The following DIAPH2 variants were observed in gnomAD, a reference collection of about 807,000 sequenced individuals.
DIAPH2 encodes diaphanous related formin 2, also known as protein diaphanous homolog 2.
A neutral mutation model predicts 92.7 loss-of-function variants in DIAPH2; 35 were observed. That is an observed-to-expected ratio of 0.38 (90% CI 0.29 to 0.50). DIAPH2 has a LOEUF of 0.50. Ranked by LOEUF, DIAPH2 falls within the 20% of genes least tolerant of loss-of-function variation. The pLI, the probability that DIAPH2 is intolerant of heterozygous loss-of-function variation, is 0.94. For synonymous variants in DIAPH2, 301 were observed against 280.4 expected, an observed-to-expected ratio of 1.07 and a Z score of -0.73; for missense variants, 701 against 819.5, an observed-to-expected ratio of 0.86 and a Z score of 1.77.
chrX:97,320,205 A>ATAC (rs1010177026), intron 23 of DIAPH2, among the ~76,000 whole-genome samples: 8 of 109,651 alleles, frequency 7.3e-5, no homozygotes, highest in Non-Finnish European at 1.3e-4. Context: ...GCTGCTAGAC[A>ATAC]TACTACTTTG....
At chrX:97,283,471 A>G (rs2068515095) in intron 23 of DIAPH2, among the ~76,000 whole-genome samples, 1 of 111,677 alleles carries the variant, frequency 9.0e-6, no homozygotes, top group African/African-American at 3.3e-5. Context: ...GAGAGAGAGG[A>G]TGCTTAGTGT....
chrX:97,381,245 A>G (rs1354492460), intron 24 of DIAPH2, among the ~76,000 whole-genome samples: 1 of 111,668 alleles, frequency 9.0e-6, no homozygotes, highest in Non-Finnish European at 1.9e-5. Context: ...ATGCCTATCA[A>G]TAATCTGTAT....
intron 26 of DIAPH2, among the ~76,000 whole-genome samples, chrX:97,480,269 C>T (rs1212475484): frequency 6.3e-5 from 7 of 111,635 alleles, no homozygotes; most frequent in Non-Finnish European, 1.3e-4. Flanking sequence ...TGGAGTGATG[C>T]GACTGCCAAG....
chrX:97,438,382 T>TTTTC (rs1569397556), intron 26 of DIAPH2, among the ~76,000 whole-genome samples: 9 of 92,480 alleles, frequency 9.7e-5, no homozygotes, highest in African/African-American at 3.7e-4. Context: ...TTTTTTTTTT[T>TTTTC]TGAGACAGGG....
At chrX:96,985,117 C>A (rs762379238) in intron 17 of DIAPH2, among the ~76,000 whole-genome samples, 6 of 111,203 alleles carry the variant, frequency 5.4e-5, no homozygotes, top group African/African-American at 2.0e-4. Context: ...AGTCTAGATT[C>A]CTTTTATATA....
intron 4 of DIAPH2, among the ~76,000 whole-genome samples, chrX:96,781,706 G>GTT (rs991869561): frequency 4.6e-5 from 5 of 107,699 alleles, no homozygotes; most frequent in African/African-American, 1.6e-4. Flanking sequence ...AAAAGAAAAA[G>GTT]TTTATATATA....
Position 97,438,348 on chromosome X carries a change from TTTG to T in DIAPH2, c.3241+8606_3241+8608del, listed in dbSNP as rs1272877773. On this transcript the variant is annotated intron_variant, in intron 26 of 26. Transcript: ENST00000324765. ...AAGAGGCAGCTTCTTGTTTTTTTTT[TTTG>T]TTTGTTTGTTTTTTTTTTTTTTTTT... Among the ~76,000 whole-genome samples, 42 of 72,763 alleles carry T rather than the reference TTTG, an allele frequency of 5.8e-4. 2 individuals carry two copies. Among genetic ancestry groups the T allele is most frequent in the East Asian group, 2.1e-3 (5 of 2,350 alleles). 63.2% of individuals were successfully genotyped at this position (72,763 alleles called of 115,157 possible).
intron 17 of DIAPH2, among the ~76,000 whole-genome samples, chrX:97,041,851 C>T (rs1003079579): frequency 9.0e-6 from 1 of 111,532 alleles, no homozygotes; most frequent in African/African-American, 3.2e-5. Context: ...TAAGATTATA[C>T]ATTGACTAGC....
intron 23 of DIAPH2, among the ~76,000 whole-genome samples, chrX:97,292,626 A>C (rs1409349389): frequency 2.9e-5 from 3 of 105,109 alleles, no homozygotes; most frequent in Non-Finnish European, 5.8e-5. Flanking sequence ...GGCTCACTGC[A>C]ACCTCCGCCT....
intron 17 of DIAPH2, among the ~76,000 whole-genome samples, chrX:97,018,981 T>A (rs1031931111): frequency 8.9e-6 from 1 of 111,747 alleles, no homozygotes; most frequent in Non-Finnish European, 1.9e-5. Flanking sequence ...CCTAAATCTT[T>A]CCGGATTCTT....
At chrX:97,433,881 T>G (rs1223559463) in intron 26 of DIAPH2, among the ~76,000 whole-genome samples, 1 of 111,970 alleles carries the variant, frequency 8.9e-6, no homozygotes, top group Non-Finnish European at 1.9e-5. Context: ...AATAACATAC[T>G]GTGTGACTTC....
intron 19 of DIAPH2, among the ~76,000 whole-genome samples, chrX:97,087,281 G>A (rs936594181): frequency 8.9e-6 from 1 of 111,878 alleles, no homozygotes; most frequent in Non-Finnish European, 1.9e-5. Flanking sequence ...ATTTAATGAA[G>A]TCTTTCAGCT....
At chrX:96,753,787 C>A (rs993556441) in intron 3 of DIAPH2, among the ~76,000 whole-genome samples, 1 of 111,866 alleles carries the variant, frequency 8.9e-6, no homozygotes, top group African/African-American at 3.3e-5. Context: ...AAATACAGTT[C>A]CAATTAAGGA....
At chrX:96,840,775 A>ATTT (rs58912392) in intron 4 of DIAPH2, among the ~76,000 whole-genome samples, 104 of 102,832 alleles carry the variant, frequency 1.0e-3, no homozygotes, top group East Asian at 5.9e-3. Flanking sequence ...TGCCCAGCTA[A>ATTT]TTTTTTTTTT....
intron 25 of DIAPH2, among the ~76,000 whole-genome samples, chrX:97,413,901 G>T (rs778688463): frequency 9.1e-6 from 1 of 109,998 alleles, no homozygotes; most frequent in South Asian, 3.9e-4. Flanking sequence ...AAATAGAAGA[G>T]GACACAAACA....
chrX:97,521,339 A>G (rs1484238483), intron 26 of DIAPH2, among the ~76,000 whole-genome samples: 4 of 112,320 alleles, frequency 3.6e-5, no homozygotes, highest in Non-Finnish European at 7.5e-5. Flanking sequence ...ACAATTTGCA[A>G]CACATTGTAC....
intron 11 of DIAPH2, among the ~76,000 whole-genome samples, chrX:96,937,747 G>A (rs2065667124): frequency 8.9e-6 from 1 of 111,825 alleles, no homozygotes; most frequent in African/African-American, 3.2e-5. Flanking sequence ...GAGATAAAAA[G>A]CAATTCAAAT....
chrX:96,949,687 CAAAAAAAA>C (rs1167294262), intron 15 of DIAPH2, among the ~76,000 whole-genome samples: 4 of 40,315 alleles, frequency 9.9e-5, no homozygotes, highest in Admixed American at 3.8e-4. Context: ...ACTAAAAATA[CAAAAAAAA>C]AAAAAAAAAA....
chrX:97,420,953 A>G (rs2070002234), intron 25 of DIAPH2, among the ~76,000 whole-genome samples: 1 of 112,330 alleles, frequency 8.9e-6, no homozygotes, highest in Non-Finnish European at 1.9e-5. Context: ...GCTGTAAATA[A>G]CTTCATAGAC....
Sources: gnomAD v4.1 joint callset for allele counts (sites outside exome capture counted in the v4.1 genomes callset) on GRCh38, gnomAD v4.1.1 for gene constraint, MANE v1.5 for transcripts, NCBI Gene and HGNC (gene_info 2026-07-23, HGNC 2026-07-21) for gene names.